INTS15: variants seen among roughly 807,000 people sequenced by gnomAD.
The protein encoded by INTS15 is uncharacterized protein C7orf26.
chr7:6,598,976 C>G, the INTS15 span, among the ~76,000 whole-genome samples: 3 of 151,958 alleles, frequency 2.0e-5, no homozygotes, highest in African/African-American at 4.8e-5. Context: ...TTTGTAGAGA[C>G]TGGGTCTCAC....
chr7:6,599,657 C>T, the INTS15 span, among the ~76,000 whole-genome samples: 1 of 152,136 alleles, frequency 6.6e-6, no homozygotes, highest in Non-Finnish European at 1.5e-5. Context: ...TCCCAGTCCC[C>T]CTGGTGTGGA....
At chr7:6,604,619 C>A in the INTS15 span, among the ~76,000 whole-genome samples, 666 of 152,300 alleles carry the variant, frequency 4.4e-3, 8 homozygotes, top group African/African-American at 0.015. Flanking sequence ...GTGCACACAG[C>A]CTCAGCCTGG....
chr7:6,601,718 G>T, the INTS15 span, among the ~76,000 whole-genome samples: 1 of 151,484 alleles, frequency 6.6e-6, no homozygotes, highest in Non-Finnish European at 1.5e-5. Flanking sequence ...GTGCAGTGGT[G>T]TGATCTCGGC....
chr7:6,607,943 T>A, the INTS15 span: 100 of 1,598,342 alleles, frequency 6.3e-5, no homozygotes, highest in South Asian at 6.3e-4. The surrounding 1 kb of genome is among the most constrained non-coding windows in gnomAD (Gnocchi z 6.0). Flanking sequence ...CGCTGACGCT[T>A]ATGCTTGTGT....
chr7:6,607,744 AC>A, the INTS15 span: 3 of 1,499,348 alleles, frequency 2.0e-6, no homozygotes, highest in Non-Finnish European at 1.8e-6. The surrounding 1 kb of genome is among the most constrained non-coding windows in gnomAD (Gnocchi z 6.0). Flanking sequence ...TCCGTGGGCC[AC>A]AGGCCCCGTG....
At chr7:6,601,453 G>A in the INTS15 span, among the ~76,000 whole-genome samples, 1 of 151,410 alleles carries the variant, frequency 6.6e-6, no homozygotes, top group African/African-American at 2.4e-5. Context: ...GTGTCAGCAC[G>A]TCTGGCTAAT....
chr7:6,590,093 C>T, the INTS15 span: 1 of 368,918 alleles, frequency 2.7e-6, no homozygotes, highest in Non-Finnish European at 4.6e-6. Flanking sequence ...GACCTTCGGG[C>T]GCCTGCTGGC....
chr7:6,603,993 T>C, the INTS15 span, among the ~76,000 whole-genome samples: 1 of 151,314 alleles, frequency 6.6e-6, no homozygotes, highest in Non-Finnish European at 1.5e-5. Context: ...CAAGACCCTG[T>C]CTCTTAAAAA....
chr7:6,594,717 A>G, the INTS15 span: 1 of 960,662 alleles, frequency 1.0e-6, no homozygotes, highest in Non-Finnish European at 1.5e-6. Flanking sequence ...TGTCTCTGAA[A>G]TGTATATTTT....
the INTS15 span, among the ~76,000 whole-genome samples, chr7:6,603,969 C>A: frequency 6.6e-6 from 1 of 152,048 alleles, no homozygotes; most frequent in Non-Finnish European, 1.5e-5. Context: ...AACTGTACTA[C>A]CTGGGCAACA....
chr7:6,594,502 C>T, the INTS15 span: 30 of 1,613,970 alleles, frequency 1.9e-5, no homozygotes, highest in African/African-American at 9.3e-5. Context: ...TGTTTGGTGC[C>T]GGGATCCATT....
the INTS15 span, among the ~76,000 whole-genome samples, chr7:6,599,205 T>G: frequency 5.9e-5 from 9 of 152,340 alleles, no homozygotes; most frequent in Admixed American, 1.3e-4. Flanking sequence ...TGTAAAGCGT[T>G]GAGACCTGTG....
the INTS15 span, chr7:6,608,158 C>G: frequency 1.3e-6 from 2 of 1,559,946 alleles, no homozygotes; most frequent in South Asian, 2.3e-5. Context: ...GGCCCATCCG[C>G]TAGGCTGGCC....
chr7:6,598,533 C>T, the INTS15 span, among the ~76,000 whole-genome samples: 1 of 151,092 alleles, frequency 6.6e-6, no homozygotes. Context: ...CGTCTCACTG[C>T]AGTAGGTGGG....
chr7:6,599,877 T>C, the INTS15 span: 1 of 1,614,176 alleles, frequency 6.2e-7, no homozygotes, highest in Non-Finnish European at 8.5e-7. Flanking sequence ...GTCACCTGGA[T>C]TTTTGAGGAC....
chr7:6,590,838 CTCTGCCTTTTTTTT>C, the INTS15 span, among the ~76,000 whole-genome samples: 6 of 150,110 alleles, frequency 4.0e-5, no homozygotes, highest in Admixed American at 4.0e-4. Flanking sequence ...TTTTTTCTTT[CTCTGCCTTTTTTTT>C]TTTCGAGACA....
chr7:6,605,031 C>T, the INTS15 span, among the ~76,000 whole-genome samples: 6 of 152,082 alleles, frequency 3.9e-5, no homozygotes, highest in Non-Finnish European at 8.8e-5. Flanking sequence ...CTCATTGTGT[C>T]ACCCAGGCTA....
At chr7:6,590,363 A>G in the INTS15 span, 1 of 1,606,982 alleles carries the variant, frequency 6.2e-7, no homozygotes, top group Admixed American at 1.7e-5. Context: ...CTGGACATCT[A>G]CTTCAGCAGC....
At chr7:6,604,983 CTCTT>C in the INTS15 span, among the ~76,000 whole-genome samples, 1 of 151,946 alleles carries the variant, frequency 6.6e-6, no homozygotes, top group Non-Finnish European at 1.5e-5. Context: ...TTTTCTTTTT[CTCTT>C]TGTTTTTTTT....
Sources: allele counts gnomAD v4.1 joint callset (sites outside exome capture counted in the v4.1 genomes callset), GRCh38; gene constraint gnomAD v4.1.1; non-coding constraint Gnocchi (gnomAD v3.1); transcripts MANE v1.5; gene names NCBI Gene and HGNC (gene_info 2026-07-23, HGNC 2026-07-21).